Variants in GLIS3 observed in about 807,000 individuals in gnomAD.
GLIS3 encodes the protein zinc finger protein GLIS3.
A neutral mutation model predicts 78.6 loss-of-function variants in GLIS3; 53 were observed. That is an observed-to-expected ratio of 0.67 (90% confidence interval 0.54 to 0.85). The LOEUF is 0.85. Ranked by LOEUF, GLIS3 falls within the 40% of genes least tolerant of loss-of-function variation. The pLI is 0.00. For missense variants in GLIS3, 1,703 were observed against 1,231.1 expected, an observed-to-expected ratio of 1.38 and a Z score of -5.74; for synonymous variants, 684 against 509.9, an observed-to-expected ratio of 1.34 and a Z score of -4.60.
intron 2 of GLIS3, among the ~76,000 whole-genome samples, chr9:4,143,297 T>C (rs936809887): frequency 1.8e-4 from 28 of 152,208 alleles, no homozygotes; most frequent in Admixed American, 1.4e-3. Context: ...CCGGGCACAG[T>C]GGCTCACACC....
upstream of GLIS3, among the ~76,000 whole-genome samples, chr9:4,349,564 C>T (rs770927621): frequency 3.3e-5 from 5 of 152,132 alleles, no homozygotes; most frequent in African/African-American, 1.2e-4. Flanking sequence ...GAAAAAAATA[C>T]CTAACAAAAC....
At chr9:3,984,330 C>T (rs1280993852) in intron 4 of GLIS3, among the ~76,000 whole-genome samples, 1 of 152,240 alleles carries the variant, frequency 6.6e-6, no homozygotes, top group Non-Finnish European at 1.5e-5. Context: ...GGCAGAGCTG[C>T]CCAAGACCAT....
At chr9:3,868,171 T>A (rs1390111898) in intron 8 of GLIS3, among the ~76,000 whole-genome samples, 6 of 152,252 alleles carry the variant, frequency 3.9e-5, no homozygotes, top group Non-Finnish European at 7.3e-5. Flanking sequence ...TGTCAGAAAC[T>A]CTCTTAATTT....
intron 2 of GLIS3, among the ~76,000 whole-genome samples, chr9:4,200,379 G>A (rs901253413): frequency 1.3e-5 from 2 of 151,732 alleles, no homozygotes; most frequent in Middle Eastern, 3.2e-3. Context: ...TGTTTTTTGA[G>A]AGAATAAATC....
the GLIS3 span, among the ~76,000 whole-genome samples, chr9:4,431,960 T>C: frequency 6.6e-6 from 1 of 152,046 alleles, no homozygotes; most frequent in Non-Finnish European, 1.5e-5. Flanking sequence ...ATAGGCAATA[T>C]GTACATGAAT....
At position 3,873,834 on chromosome 9, in the gene GLIS3, G is replaced by C. The variant is rs1024641542; in HGVS notation, c.2297+5593C>G. 1.6e-3 allele frequency among the ~76,000 whole-genome samples: 11 copies of C among 6,830 alleles called. No homozygotes were observed. In the Non-Finnish European group the frequency reaches 0.077, roughly 48 times the overall value. 4.5% of individuals were successfully genotyped at this position (6,830 alleles called of 152,430 possible). A position where few individuals can be genotyped will look rare whatever the true frequency, so the allele number is the denominator to read the frequency against. On this transcript the variant is annotated intron_variant, in intron 8 of 10. Coordinates refer to ENST00000381971, the MANE Select transcript of GLIS3 (RefSeq NM_001042413.2). ...GGAAGCCTTCCCAATACTCCATAGA[G>C]ACTAAAAAAAACTGGCATTCCTTAT... is the stretch of plus-strand genomic sequence containing the variant.
chr9:4,391,800 G>A, the GLIS3 span, among the ~76,000 whole-genome samples: 1 of 152,114 alleles, frequency 6.6e-6, no homozygotes, highest in Non-Finnish European at 1.5e-5. Flanking sequence ...TATTTTTGGG[G>A]AGGAATGTAA....
intron 4 of GLIS3, among the ~76,000 whole-genome samples, chr9:3,939,175 C>T (rs1324605100): frequency 6.6e-6 from 1 of 152,208 alleles, no homozygotes; most frequent in Non-Finnish European, 1.5e-5. Context: ...CTCTGTTCCA[C>T]AGTCACCTCA....
At chr9:4,230,414 A>C (rs1390489929) in intron 2 of GLIS3, among the ~76,000 whole-genome samples, 3 of 152,204 alleles carry the variant, frequency 2.0e-5, no homozygotes, top group Non-Finnish European at 2.9e-5. Flanking sequence ...CCTTCAAGCC[A>C]AAGACTGAGG....
chr9:4,286,368 G>T lies in GLIS3; in HGVS notation c.58C>A (p.Pro20Thr). 2 of 1,614,180 alleles carry T rather than the reference G, an allele frequency of 1.2e-6. No individual in the cohort carries two copies. Among genetic ancestry groups the T allele is most frequent in the South Asian group, 1.1e-5 (1 of 91,080 alleles). Residue 20 changes from proline (P) to threonine (T), a missense_variant, in exon 2 of 11, where the codon CCT (proline) becomes ACT (threonine). Physicochemically the swap from Pro to Thr is conservative, Grantham distance 38. Coordinates refer to ENST00000381971, the MANE Select transcript of GLIS3 (RefSeq NM_001042413.2). The stretch of plus-strand genomic sequence containing the variant: ...ATGTGATGACCACTGACCATCCTAG[G>T]CCCCTGTGGGGTTCCCGATGTCCGG... Reference protein sequence around the residue: ...LHRTSGTPQGPRMVSGHHIPA... With the variant: ...LHRTSGTPQGTRMVSGHHIPA...
rs369477193 is a variant in GLIS3, at chr9:4,222,020, T to C, written c.388+64018A>G. Among the ~76,000 whole-genome samples, 6 of 152,302 alleles carry C rather than the reference T, an allele frequency of 3.9e-5. No individual in the cohort carries two copies. In the East Asian group the frequency reaches 7.7e-4, roughly 20 times the overall value. On this transcript the variant is annotated intron_variant, in intron 2 of 10. Coordinates refer to ENST00000381971, the MANE Select transcript of GLIS3 (RefSeq NM_001042413.2). ...ACCAGAAAGGGAAGGAGAAGCTACT[T>C]TGGCTCTTGAGTTGAAGTTTAGCCA...
the GLIS3 span, among the ~76,000 whole-genome samples, chr9:4,443,396 C>G: frequency 2.3e-3 from 355 of 152,198 alleles, 4 homozygotes; most frequent in African/African-American, 8.1e-3. Context: ...CTCTTCTCTC[C>G]CTTGAATCAA....
At chr9:3,946,010 T>A (rs1563878596) in intron 4 of GLIS3, among the ~76,000 whole-genome samples, 1 of 152,142 alleles carries the variant, frequency 6.6e-6, no homozygotes, top group Admixed American at 6.5e-5. Context: ...GCACGTTGCT[T>A]TTTGCCTCTC....
intron 4 of GLIS3, among the ~76,000 whole-genome samples, chr9:3,947,206 T>C (rs1031213380): frequency 2.6e-5 from 4 of 152,244 alleles, no homozygotes; most frequent in Non-Finnish European, 5.9e-5. Context: ...TTAATTGTCT[T>C]TGACTGCAAA....
chr9:4,388,713 A>G, the GLIS3 span, among the ~76,000 whole-genome samples: 1 of 152,046 alleles, frequency 6.6e-6, no homozygotes, highest in African/African-American at 2.4e-5. Context: ...GTGGACAAAA[A>G]ATAAAAGTCT....
In GLIS3 at chr9:4,173,627, G is replaced by C. The variant is rs552729562; in HGVS notation, c.389-47686C>G. Among the ~76,000 whole-genome samples the C allele has an allele frequency of 2.7e-5, 4 of 145,718 alleles. No individual in the cohort carries two copies. The East Asian group carries it at 6.3e-4, about 23-fold the overall frequency. On this transcript the variant is annotated intron_variant, in intron 2 of 10. Coordinates refer to ENST00000381971, the MANE Select transcript of GLIS3 (RefSeq NM_001042413.2). ...ATATATATGTTTGTTTTTGAAACAA[G>C]GTCTTGATCTGTCACCTAGAGTGCA... is the stretch of plus-strand genomic sequence containing the variant.
upstream of GLIS3, among the ~76,000 whole-genome samples, chr9:4,301,088 G>A (rs181020906): frequency 3.3e-5 from 5 of 152,086 alleles, no homozygotes; most frequent in African/African-American, 1.2e-4. Flanking sequence ...AAGACTATTG[G>A]CAGTTTTCAT....
chr9:4,163,244 GCACACACACA>G (rs59165297), intron 2 of GLIS3, among the ~76,000 whole-genome samples: 74 of 151,644 alleles, frequency 4.9e-4, no homozygotes, highest in South Asian at 4.0e-3. Context: ...ATGTGCACTG[GCACACACACA>G]CACACACACA....
At chr9:4,269,195 A>G (rs1043810571) in intron 2 of GLIS3, among the ~76,000 whole-genome samples, 1 of 152,146 alleles carries the variant, frequency 6.6e-6, no homozygotes, top group African/African-American at 2.4e-5. Context: ...TCTCCTCTCA[A>G]TGTCTAATTT....
Sources: gnomAD v4.1 joint callset for allele counts (sites outside exome capture counted in the v4.1 genomes callset) on GRCh38, gnomAD v4.1.1 for gene constraint, MANE v1.5 for transcripts, NCBI Gene and HGNC (gene_info 2026-07-23, HGNC 2026-07-21) for gene names.